The following ALMS1 variants were observed in gnomAD, a reference collection of about 807,000 sequenced individuals.
The protein encoded by ALMS1 is centrosome-associated protein ALMS1.
In ALMS1, 271 loss-of-function variants were observed where a neutral mutation model predicts 352.2. That is an observed-to-expected ratio of 0.77 (90% confidence interval 0.70 to 0.85). ALMS1 has a LOEUF of 0.85. Ranked by LOEUF, ALMS1 falls within the 40% of genes least tolerant of loss-of-function variation. The pLI is 0.00. For missense variants in ALMS1, 5,445 were observed against 4,870.7 expected (o/e 1.12, Z -3.51); for synonymous variants, 1,865 against 1,761.2 (o/e 1.06, Z -1.48).
Position 73,453,292 on chromosome 2 carries a change from T to C in ALMS1, c.6765T>C (p.Ser2255=). The C allele has an allele frequency of 1.2e-6, 2 of 1,613,940 alleles. No homozygotes were observed. The highest frequency in any genetic ancestry group is 1.7e-6 in the Non-Finnish European group (2 of 1,179,976). The part of the protein sequence containing the change: ...GSEEIQDAEN[S]AKTLKEIRTL... ...AAGAAATCCAGGATGCAGAAAATAG[T>C]GCTAAAACTCTTAAGGAAATTCGGA... Residue 2255 remains serine, a synonymous_variant, in exon 8 of 23, where the codon AGT becomes AGC. Transcript: ENST00000613296.
chr2:73,399,662 A>G (rs553845988), intron 1 of ALMS1, among the ~76,000 whole-genome samples: 50 of 152,158 alleles, frequency 3.3e-4, no homozygotes, highest in Admixed American at 9.8e-4. Flanking sequence ...TTACATTTCA[A>G]TATGAGATTT....
intron 7 of ALMS1, among the ~76,000 whole-genome samples, chr2:73,436,223 T>A (rs1040629700): frequency 6.6e-6 from 1 of 152,248 alleles, no homozygotes; most frequent in Non-Finnish European, 1.5e-5. Flanking sequence ...CTTCTGGCCT[T>A]CATAGTTTTG....
At chr2:73,404,746 G>A (rs1165720697) in intron 1 of ALMS1, among the ~76,000 whole-genome samples, 1 of 151,774 alleles carries the variant, frequency 6.6e-6, no homozygotes, top group Non-Finnish European at 1.5e-5. Flanking sequence ...TAATGTCTTT[G>A]TCTGACTTTG....
At chr2:73,540,933 A>C (rs1278155896) in intron 12 of ALMS1, among the ~76,000 whole-genome samples, 3 of 152,186 alleles carry the variant, frequency 2.0e-5, no homozygotes, top group Non-Finnish European at 4.4e-5. Flanking sequence ...GAGGACTTTA[A>C]CTCCCCACTG....
At chr2:73,566,926 A>C (rs1674813068) in intron 15 of ALMS1, among the ~76,000 whole-genome samples, 1 of 152,214 alleles carries the variant, frequency 6.6e-6, no homozygotes. Context: ...AAGGATACGC[A>C]CGAACAACCA....
intron 16 of ALMS1, chr2:73,573,696 C>CTT: frequency 1.7e-6 from 1 of 605,334 alleles, no homozygotes; most frequent in South Asian, 2.0e-5. Context: ...AATGGGGGAG[C>CTT]TTTGAGGTTA....
intron 12 of ALMS1, among the ~76,000 whole-genome samples, chr2:73,537,978 T>G (rs1481641192): frequency 6.6e-6 from 1 of 152,106 alleles, no homozygotes; most frequent in African/African-American, 2.4e-5. Context: ...TGCAGTCCAC[T>G]CTGGGCAACA....
chr2:73,397,884 A>G (rs903897686), intron 1 of ALMS1, among the ~76,000 whole-genome samples: 3 of 152,214 alleles, frequency 2.0e-5, no homozygotes, highest in African/African-American at 7.2e-5. Context: ...ATCCTGAATC[A>G]GAGATGTGTC....
At chr2:73,414,203 A>G (rs1671134204) in intron 2 of ALMS1, among the ~76,000 whole-genome samples, 1 of 152,020 alleles carries the variant, frequency 6.6e-6, no homozygotes, top group Admixed American at 6.6e-5. Flanking sequence ...GTCTTCATCA[A>G]TGTTTTGCTG....
At chr2:73,458,447 G>A (rs1672119466) in intron 9 of ALMS1, 1 of 152,076 alleles carries the variant, frequency 6.6e-6, no homozygotes. Flanking sequence ...ATAGCCTGAG[G>A]ACACACCACT....
rs1348441125 is a variant in ALMS1, at chr2:73,466,738, A to G, written c.7674+11443A>G. Among the ~76,000 whole-genome samples the G allele has an allele frequency of 2.0e-5, 3 of 152,180 alleles. No individual in the cohort carries two copies. In the East Asian group the frequency reaches 5.8e-4, roughly 29 times the overall value. On this transcript the variant is annotated intron_variant, in intron 9 of 22. Coordinates refer to ENST00000613296, the MANE Select transcript of ALMS1 (RefSeq NM_001378454.1). ...GATGTAGGAAATATTAAAGAGCAAA[A>G]GATGTGTTAAGTATGTGGATAAATA...
intron 1 of ALMS1, among the ~76,000 whole-genome samples, chr2:73,395,078 A>ATATAT (rs1243905312): frequency 9.9e-6 from 1 of 101,330 alleles, no homozygotes; most frequent in Admixed American, 1.2e-4. Flanking sequence ...ATATATATAT[A>ATATAT]TTTTTTTTTT....
chr2:73,505,090 A>G (rs900501363), intron 10 of ALMS1, among the ~76,000 whole-genome samples: 1 of 152,174 alleles, frequency 6.6e-6, no homozygotes, highest in Non-Finnish European at 1.5e-5. Flanking sequence ...TCCATGGTAT[A>G]TATGTGCCAC....
rs777037870 is a variant in ALMS1, at chr2:73,451,306, G to C, written c.4779G>C (p.Glu1593Asp). 6.2e-7 allele frequency: 1 copy of C among 1,614,046 alleles called. No homozygotes were observed. The highest frequency in any genetic ancestry group is 8.5e-7 in the Non-Finnish European group (1 of 1,179,994). ...QAFPDGHLPE[E>D]ALKVSIVSGP... ...TTCCAGATGGTCATCTACCTGAAGA[G>C]GCTCTGAAAGTTTCCATTGTTTCTG... Residue 1593 changes from glutamate to aspartate, a missense_variant, in exon 8 of 23, where the codon GAG becomes GAC. Coordinates refer to ENST00000613296, the MANE Select transcript of ALMS1 (RefSeq NM_001378454.1).
chr2:73,408,743 A>G lies in ALMS1; in HGVS notation c.446A>G (p.Asp149Gly), dbSNP rs1671019702. The change falls in exon 2 of 23, where the codon GAT becomes GGT. Residue 149 changes from aspartate to glycine, a missense_variant. Coordinates refer to ENST00000613296, the MANE Select transcript of ALMS1 (RefSeq NM_001378454.1). Reference sequence around the variant, plus strand: ...ACAGCTCAGCGGGGTTCTGGGGATGATCAGGTATGTCTTCTGTAACTGGCT... The same window carrying G: ...ACAGCTCAGCGGGGTTCTGGGGATGGTCAGGTATGTCTTCTGTAACTGGCT... Reference protein sequence around the residue: ...ETTAQRGSGDDQKTESWHCLP... With the variant: ...ETTAQRGSGDGQKTESWHCLP... The G allele has an allele frequency of 3.7e-6, 6 of 1,610,260 alleles. No homozygotes were observed.
chr2:73,576,041 A>T (rs1333416797), intron 16 of ALMS1, among the ~76,000 whole-genome samples: 1 of 152,174 alleles, frequency 6.6e-6, no homozygotes, highest in Non-Finnish European at 1.5e-5. Flanking sequence ...GCATGTGAAT[A>T]TCCCGTTTTC....
chr2:73,592,164 C>A (rs1016645208), intron 16 of ALMS1, among the ~76,000 whole-genome samples: 4 of 152,166 alleles, frequency 2.6e-5, no homozygotes, highest in Non-Finnish European at 5.9e-5. Flanking sequence ...TTTCAAGAAC[C>A]TGTTATGCAG....
rs745881674 is a variant in ALMS1 at position 73,401,637 on chromosome 2, T to C, written c.325-6985T>C. ...CATATACCTAGTGAAATGGTTGCCATAGTCAAGCAAATTAACATATTCGTG... is the reference window on the plus strand; with the variant it reads ...CATATACCTAGTGAAATGGTTGCCACAGTCAAGCAAATTAACATATTCGTG... On this transcript the variant is annotated intron_variant, in intron 1 of 22. Transcript: ENST00000613296. 3.9e-5 allele frequency among the ~76,000 whole-genome samples: 6 copies of C among 152,252 alleles called. No homozygotes were observed. In the South Asian group the frequency reaches 1.0e-3, roughly 26 times the overall value.
Position 73,448,145 on chromosome 2 carries a change from A to G in ALMS1, c.1618A>G (p.Lys540Glu). 1 of 1,614,030 alleles carries G rather than the reference A, an allele frequency of 6.2e-7. No homozygotes were observed. Among genetic ancestry groups the G allele is most frequent in the Non-Finnish European group, 8.5e-7 (1 of 1,179,934 alleles). ...TGQHTDTLNQ[K>E]TLADTHLTEE... ...TCAACACACTGATACTCTCAACCAA[A>G]AGACATTAGCAGATACTCATCTAAC... Residue 540 changes from lysine to glutamate, a missense_variant, in exon 8 of 23, where the codon AAG becomes GAG. Physicochemically the swap from Lys to Glu is moderately conservative, Grantham distance 56. Coordinates refer to ENST00000613296, the MANE Select transcript of ALMS1 (RefSeq NM_001378454.1).
Sources: allele counts gnomAD v4.1 joint callset (sites outside exome capture counted in the v4.1 genomes callset), GRCh38; gene constraint gnomAD v4.1.1; transcripts MANE v1.5; gene names NCBI Gene and HGNC (gene_info 2026-07-23, HGNC 2026-07-21).